The following GNE variants were observed in gnomAD, a reference collection of about 807,000 sequenced individuals.
The protein encoded by GNE is glucosamine (UDP-N-acetyl)-2-epimerase/N-acetylmannosamine kinase, also known as bifunctional UDP-N-acetylglucosamine 2-epimerase/N-acetylmannosamine kinase.
In GNE, 41 loss-of-function variants were observed where a neutral mutation model predicts 61.8. That is an observed-to-expected ratio of 0.66 (90% CI 0.52 to 0.86). The LOEUF is 0.86. Among genes scored for constraint, GNE ranks in the 40% least tolerant of loss-of-function variants. The pLI, the probability that GNE is intolerant of heterozygous loss-of-function variation, is 0.00. For missense variants in GNE, 608 were observed against 909.1 expected (o/e 0.67, Z 4.26); for synonymous variants, 264 against 326.4 (o/e 0.81, Z 2.06).
In GNE at chr9:36,218,330, T is replaced by TA; in HGVS notation, c.1817-32dup. 6.6e-7 allele frequency: 1 copy of TA among 1,524,626 alleles called. No individual in the cohort carries two copies. The highest frequency in any genetic ancestry group is 9.1e-7 in the Non-Finnish European group (1 of 1,098,464). The allele number at this position is 1,524,626 out of a possible 1,614,324, so 94.4% of individuals were successfully genotyped here. ...CAGAGTGAGAAGGAAAAGCAGTCAC[T>TA]AATGAGCTGTGGGGAGGCCAAGCTC... On this transcript the variant is annotated intron_variant, in intron 10 of 11. Coordinates refer to ENST00000642385, the MANE Select transcript of GNE (RefSeq NM_005476.7). This position sits in a 1 kb window ranked among gnomAD's most constrained non-coding sequence, Gnocchi z 4.1.
At chr9:36,245,483 G>A (rs972936467) in intron 3 of GNE, among the ~76,000 whole-genome samples, 1 of 151,826 alleles carries the variant, frequency 6.6e-6, no homozygotes, top group East Asian at 1.9e-4. Flanking sequence ...TCAGGAGTTC[G>A]AGACCAGCCT....
At chr9:36,226,750 T>A (rs1828882822) in intron 7 of GNE, among the ~76,000 whole-genome samples, 1 of 152,222 alleles carries the variant, frequency 6.6e-6, no homozygotes, top group South Asian at 2.1e-4. Context: ...GAATGTTCTC[T>A]CACCTGTCAA....
At chr9:36,261,334 G>A (rs1034224076), upstream of GNE, among the ~76,000 whole-genome samples, 11 of 152,008 alleles carry the variant, frequency 7.2e-5, no homozygotes, top group African/African-American at 2.4e-4. Flanking sequence ...TGAGGTGGGC[G>A]GATCACGACG....
intron 3 of GNE, among the ~76,000 whole-genome samples, chr9:36,238,450 G>GT (rs1310041514): frequency 6.6e-6 from 1 of 152,208 alleles, no homozygotes; most frequent in Admixed American, 6.5e-5. Flanking sequence ...TCTTACAGGA[G>GT]TAAGGCGGCA....
intron 1 of GNE, among the ~76,000 whole-genome samples, chr9:36,272,915 T>TAA (rs1314212130): frequency 1.0e-3 from 14 of 13,844 alleles, no homozygotes; most frequent in East Asian, 4.7e-3. Flanking sequence ...CTAGTAAAAA[T>TAA]ACAAAAAAAA....
chr9:36,257,191 A>ACTGTC (rs2133159398), intron 1 of GNE, among the ~76,000 whole-genome samples: 1 of 152,276 alleles, frequency 6.6e-6, no homozygotes, highest in African/African-American at 2.4e-5. Flanking sequence ...CGCTCAGAAC[A>ACTGTC]CTGTCCCACA....
At chr9:36,231,587 ATCTT>A (rs1349084899) in intron 5 of GNE, among the ~76,000 whole-genome samples, 1 of 152,264 alleles carries the variant, frequency 6.6e-6, no homozygotes, top group Admixed American at 6.5e-5. Context: ...AGTGAAAGGC[ATCTT>A]CTCTTTTCCT....
chr9:36,229,282 G>C (rs938050215), intron 5 of GNE, among the ~76,000 whole-genome samples, 174 bp from the exon 6 acceptor site: 1 of 152,146 alleles, frequency 6.6e-6, no homozygotes, highest in African/African-American at 2.4e-5. Context: ...AAGTACTCTT[G>C]GCAAGATTTC....
chr9:36,276,837 C>CT, intron 1 of GNE: 1 of 1,348,548 alleles, frequency 7.4e-7, no homozygotes, highest in South Asian at 1.3e-5. Context: ...TTTTTCCCCC[C>CT]TTTTTTTCTG....
chr9:36,236,723 G>T, intron 4 of GNE, 109 bp downstream of exon 4: 1 of 936,136 alleles, frequency 1.1e-6, no homozygotes. Flanking sequence ...TCAGAATAGA[G>T]TGCCCTTCAA....
intron 1 of GNE, among the ~76,000 whole-genome samples, chr9:36,266,148 C>T (rs1317521930): frequency 6.6e-6 from 1 of 152,024 alleles, no homozygotes; most frequent in Non-Finnish European, 1.5e-5. Context: ...CCAGGCTGGT[C>T]GAGAACTCCT....
chr9:36,237,342 T>G (rs1427749367), intron 3 of GNE, among the ~76,000 whole-genome samples: 5 of 152,202 alleles, frequency 3.3e-5, no homozygotes, highest in East Asian at 3.8e-4. Flanking sequence ...GCAATATCAA[T>G]GAATAATAAT....
intron 1 of GNE, among the ~76,000 whole-genome samples, chr9:36,273,763 C>T (rs59077792): frequency 4.6e-5 from 7 of 150,850 alleles, no homozygotes; most frequent in Admixed American, 4.0e-4. Flanking sequence ...CTCAGCCTCC[C>T]GAGTAGCTGG....
At chr9:36,249,744 C>T (rs1165628526) in intron 1 of GNE, among the ~76,000 whole-genome samples, 2 of 151,828 alleles carry the variant, frequency 1.3e-5, no homozygotes, top group African/African-American at 2.4e-5. Context: ...ATTAGCTGGG[C>T]GTGGTGGCGG....
intron 3 of GNE, among the ~76,000 whole-genome samples, chr9:36,245,724 T>G (rs1191906180): frequency 6.6e-6 from 1 of 152,082 alleles, no homozygotes; most frequent in African/African-American, 2.4e-5. Flanking sequence ...CACTTATAAT[T>G]TTATAGCTCC....
chr9:36,276,513 G>A (rs565785419), intron 1 of GNE, among the ~76,000 whole-genome samples: 11 of 152,138 alleles, frequency 7.2e-5, no homozygotes, highest in Non-Finnish European at 1.5e-4. Context: ...TACATGCCAT[G>A]TTTCAAAAGG....
Position 36,248,495 on chromosome 9 carries a change from TG to T in GNE, c.164+696del, listed in dbSNP as rs535819256. Reference sequence around the variant, plus strand: ...ACAACTGGCTAATTTTTTTTTTTTTTGTATTTTTCGTAGAGATAGGGTTTCA... The same window carrying T: ...ACAACTGGCTAATTTTTTTTTTTTTTTATTTTTCGTAGAGATAGGGTTTCA... On this transcript the variant is annotated intron_variant, in intron 2 of 11. Coordinates refer to ENST00000642385, the MANE Select transcript of GNE (RefSeq NM_005476.7). Among the ~76,000 whole-genome samples the T allele has an allele frequency of 4.8e-3, 731 of 151,086 alleles. 7 individuals are homozygous for T. Among genetic ancestry groups the T allele is most frequent in the African/African-American group, 0.016 (669 of 40,910 alleles).
At chr9:36,267,588 C>G (rs1190021158) in intron 1 of GNE, among the ~76,000 whole-genome samples, 1 of 151,930 alleles carries the variant, frequency 6.6e-6, no homozygotes, top group African/African-American at 2.4e-5. Context: ...CCTAGCTACT[C>G]GGGAAGCTTA....
chr9:36,223,079 A>T lies in GNE; in HGVS notation c.1412-81T>A, dbSNP rs898867995. 5 of 1,306,312 alleles carry T rather than the reference A, an allele frequency of 3.8e-6. No individual in the cohort carries two copies. In the African/African-American group the frequency reaches 7.2e-5, roughly 19 times the overall value. The allele number at this position is 1,306,312 out of a possible 1,614,324, so 80.9% of individuals were successfully genotyped here. On this transcript the variant is annotated intron_variant, in intron 8 of 11. Transcript: ENST00000642385. The stretch of plus-strand genomic sequence containing the variant: ...ATGCTGACTTTCTTGTCTTAAGAAC[A>T]CAGATTCATTCACCCCAGATCTCCT...
Sources: gnomAD v4.1 joint callset for allele counts (sites outside exome capture counted in the v4.1 genomes callset) on GRCh38, gnomAD v4.1.1 for gene constraint, Gnocchi (gnomAD v3.1) non-coding constraint, MANE v1.5 for transcripts, NCBI Gene and HGNC (gene_info 2026-07-23, HGNC 2026-07-21) for gene names.